Variants in PTPRT observed in about 807,000 individuals in gnomAD.
PTPRT encodes the protein protein tyrosine phosphatase receptor type T.
Under a neutral mutation model 176.8 loss-of-function variants are expected in PTPRT, and 56 were observed. The observed-to-expected ratio is 0.32, with a 90% CI of 0.26 to 0.40. PTPRT has a LOEUF of 0.40. PTPRT is among the 10% of genes least tolerant of loss of function. The probability of loss-of-function intolerance (pLI) is 1.00; values close to 1 mark genes in which losing one functional copy is unlikely to be tolerated. For missense variants in PTPRT, 1,540 were observed against 1,908.2 expected (o/e 0.81, Z 3.60); for synonymous variants, 783 against 739.0 (o/e 1.06, Z -0.96).
chr20:43,009,212 A>G, intron 1 of PTPRT, among the ~76,000 whole-genome samples: 1 of 152,204 alleles, frequency 6.6e-6, no homozygotes, highest in East Asian at 1.9e-4. Context: ...ATCACTGAAA[A>G]AAAAGACTAA....
chr20:42,148,645 C>T (rs1988987508), intron 17 of PTPRT, among the ~76,000 whole-genome samples: 1 of 152,192 alleles, frequency 6.6e-6, no homozygotes, highest in Non-Finnish European at 1.5e-5. Flanking sequence ...CTGGCACTCA[C>T]AGGTAGGCCT....
In PTPRT at chr20:42,758,091, T is replaced by A. The variant is rs183103401; in HGVS notation, c.685-1455A>T. ...TTTTCCAACTTCAAGTCAAGCACTG[T>A]TTTTACTAAGACCATATTCTCAGTG... On this transcript the variant is annotated intron_variant, in intron 5 of 30. Coordinates refer to ENST00000373187, the MANE Select transcript of PTPRT (RefSeq NM_007050.6). 1.6e-4 allele frequency among the ~76,000 whole-genome samples: 25 copies of A among 152,302 alleles called. No homozygotes were observed. The East Asian group carries it at 3.9e-3, about 23-fold the overall frequency.
chr20:42,790,337 T>C (rs1222183715), intron 3 of PTPRT, among the ~76,000 whole-genome samples: 1 of 152,010 alleles, frequency 6.6e-6, no homozygotes, highest in African/African-American at 2.4e-5. Flanking sequence ...GTGCATCAGT[T>C]CGCAAGGAGA....
rs553622050 is a variant in PTPRT, at chr20:42,753,566, C to T, written c.859+2896G>A. Among the ~76,000 whole-genome samples, 5 of 152,318 alleles carry T rather than the reference C, an allele frequency of 3.3e-5. No individual in the cohort carries two copies. In the South Asian group the frequency reaches 1.0e-3, roughly 32 times the overall value. Reference sequence around the variant, plus strand: ...AATGTGAAGGAGACTGGGTGCCACCCACCACCCCACCCTCCCTAAGCTGGA... The same window carrying T: ...AATGTGAAGGAGACTGGGTGCCACCTACCACCCCACCCTCCCTAAGCTGGA... On this transcript the variant is annotated intron_variant, in intron 6 of 30. Coordinates refer to ENST00000373187, the MANE Select transcript of PTPRT (RefSeq NM_007050.6).
At chr20:43,062,253 T>A (rs1600683999) in intron 1 of PTPRT, among the ~76,000 whole-genome samples, 3 of 152,234 alleles carry the variant, frequency 2.0e-5, no homozygotes, top group Non-Finnish European at 4.4e-5. Flanking sequence ...AGCTGATATG[T>A]TTATGCAAAA....
intron 2 of PTPRT, among the ~76,000 whole-genome samples, chr20:42,811,661 C>T (rs2077699624): frequency 6.6e-6 from 1 of 152,034 alleles, no homozygotes; most frequent in Non-Finnish European, 1.5e-5. Context: ...ACTTCTCCTC[C>T]CTCTCTCAAT....
chr20:42,245,144 A>T (rs990189627), intron 14 of PTPRT, among the ~76,000 whole-genome samples: 9 of 152,248 alleles, frequency 5.9e-5, no homozygotes, highest in African/African-American at 2.2e-4. Context: ...TGTGATCGAC[A>T]GATCCAGAGG....
intron 7 of PTPRT, among the ~76,000 whole-genome samples, chr20:42,666,516 T>G (rs531930035): frequency 6.6e-6 from 1 of 152,326 alleles, no homozygotes; most frequent in South Asian, 2.1e-4. Context: ...TCCTGTATTT[T>G]CTTTCAGATC....
At chr20:43,056,637 T>C (rs1219326912) in intron 1 of PTPRT, among the ~76,000 whole-genome samples, 5 of 152,196 alleles carry the variant, frequency 3.3e-5, no homozygotes, top group Non-Finnish European at 7.3e-5. Flanking sequence ...GCACCTGCTA[T>C]TAACCTAACA....
intron 6 of PTPRT, among the ~76,000 whole-genome samples, chr20:42,706,565 A>T (rs2076062983): frequency 6.6e-6 from 1 of 152,188 alleles, no homozygotes; most frequent in Admixed American, 6.5e-5. Flanking sequence ...GCACATAGGC[A>T]TCTCAGCACC....
chr20:42,832,088 G>A (rs2078099210), intron 2 of PTPRT, among the ~76,000 whole-genome samples: 1 of 152,182 alleles, frequency 6.6e-6, no homozygotes, highest in African/African-American at 2.4e-5. Flanking sequence ...GAATGTTCAT[G>A]GCAGCACTAT....
downstream of PTPRT, among the ~76,000 whole-genome samples, chr20:42,068,174 G>A (rs1200477908): frequency 3.9e-5 from 6 of 152,188 alleles, no homozygotes; most frequent in Non-Finnish European, 5.9e-5. Context: ...CAAGTGCTAA[G>A]TGGGTTCCTG....
At chr20:42,636,901 A>C (rs1261433145) in intron 7 of PTPRT, among the ~76,000 whole-genome samples, 1 of 152,056 alleles carries the variant, frequency 6.6e-6, no homozygotes, top group Non-Finnish European at 1.5e-5. Context: ...GAAAGTATCA[A>C]CTGTAGGGAT....
At chr20:42,224,920 C>A (rs2055970803) in intron 15 of PTPRT, among the ~76,000 whole-genome samples, 1 of 152,170 alleles carries the variant, frequency 6.6e-6, no homozygotes, top group Non-Finnish European at 1.5e-5. Flanking sequence ...TGTCCCCCAG[C>A]CCTTATATTT....
At chr20:42,698,859 G>T (rs2075927010) in intron 6 of PTPRT, among the ~76,000 whole-genome samples, 1 of 151,730 alleles carries the variant, frequency 6.6e-6, no homozygotes, top group Non-Finnish European at 1.5e-5. Context: ...ATACATGAAT[G>T]AATGAATGAA....
chr20:42,846,204 C>T (rs186920105), intron 2 of PTPRT, among the ~76,000 whole-genome samples: 4 of 152,292 alleles, frequency 2.6e-5, no homozygotes, highest in Admixed American at 1.3e-4. Flanking sequence ...GCTGCCATTG[C>T]AAATTATGTC....
intron 1 of PTPRT, among the ~76,000 whole-genome samples, chr20:42,959,708 A>T (rs1600596049): frequency 6.6e-6 from 1 of 152,114 alleles, no homozygotes; most frequent in South Asian, 2.1e-4. Context: ...AGCTTCCACT[A>T]GCGCCTACCC....
chr20:42,694,539 A>G (rs2075843622), intron 6 of PTPRT, among the ~76,000 whole-genome samples: 1 of 152,170 alleles, frequency 6.6e-6, no homozygotes. Context: ...TGTGAACATA[A>G]GTTTTCATTT....
At chr20:42,549,519 C>T (rs946766722) in intron 7 of PTPRT, among the ~76,000 whole-genome samples, 2 of 152,000 alleles carry the variant, frequency 1.3e-5, no homozygotes, top group Non-Finnish European at 2.9e-5. Flanking sequence ...CTTTGTGTAC[C>T]AATGTGATTG....
Sources: allele counts gnomAD v4.1 joint callset (sites outside exome capture counted in the v4.1 genomes callset), GRCh38; gene constraint gnomAD v4.1.1; transcripts MANE v1.5; gene names NCBI Gene and HGNC (gene_info 2026-07-23, HGNC 2026-07-21).